The following CEP126 variants were observed in gnomAD, a reference collection of about 807,000 sequenced individuals.
The protein encoded by CEP126 is centrosomal protein of 126 kDa.
CEP126 carries 74 observed loss-of-function variants against 107.8 expected under a neutral mutation model. The observed-to-expected ratio is 0.69, with a 90% CI of 0.57 to 0.83. CEP126 has a LOEUF of 0.83. Among genes scored for constraint, CEP126 ranks in the 40% least tolerant of loss-of-function variants. The pLI, the probability that CEP126 is intolerant of heterozygous loss-of-function variation, is 0.00. For synonymous variants in CEP126, 449 were observed against 446.0 expected, an observed-to-expected ratio of 1.01 and a Z score of -0.08; for missense variants, 1,237 against 1,281.9, an observed-to-expected ratio of 0.96 and a Z score of 0.53.
At chr11:101,957,968 T>C (rs1015907463) in intron 4 of CEP126, among the ~76,000 whole-genome samples, 200 bp from the exon 5 acceptor site, 1 of 152,198 alleles carries the variant, frequency 6.6e-6, no homozygotes, top group Non-Finnish European at 1.5e-5. Context: ...TACTGGTACT[T>C]TAGTCTCACA....
At chr11:101,995,254 A>G (rs1941429799) in intron 10 of CEP126, among the ~76,000 whole-genome samples, 1 of 152,042 alleles carries the variant, frequency 6.6e-6, no homozygotes, top group Non-Finnish European at 1.5e-5. Context: ...TGGTAAATAC[A>G]TTTTCTAATG....
At position 101,962,870 on chromosome 11, in the gene CEP126, G is replaced by A. The variant is rs1228224008; in HGVS notation, c.1835G>A (p.Ser612Asn). 5.0e-6 allele frequency: 8 copies of A among 1,609,056 alleles called. No individual in the cohort carries two copies. In the Admixed American group the frequency reaches 6.8e-5, roughly 14 times the overall value. The change falls in exon 6 of 11, where the codon AGT becomes AAT. Residue 612 changes from serine (S) to asparagine (N), a missense_variant. Coordinates refer to ENST00000263468, the MANE Select transcript of CEP126 (RefSeq NM_020802.4). The part of the protein sequence containing the change: ...GNQKAAAIRD[S>N]IELTKEKGAE... Reference sequence around the variant, plus strand: ...CAAAAAGCAGCAGCTATCAGAGATAGTATTGAATTAACAAAGGAAAAAGGT... The same window carrying A: ...CAAAAAGCAGCAGCTATCAGAGATAATATTGAATTAACAAAGGAAAAAGGT...
intron 2 of CEP126, among the ~76,000 whole-genome samples, chr11:101,925,146 G>C (rs996576831): frequency 3.3e-5 from 5 of 152,120 alleles, no homozygotes; most frequent in Non-Finnish European, 1.5e-5. Flanking sequence ...GCTCTTAGGA[G>C]TTGGAGCCAT....
chr11:101,970,167 C>T (rs1216417367), intron 6 of CEP126, among the ~76,000 whole-genome samples: 2 of 152,094 alleles, frequency 1.3e-5, no homozygotes, highest in African/African-American at 4.8e-5. Flanking sequence ...ATATTACTGA[C>T]AAAGGGCTTA....
At chr11:101,983,796 T>C (rs1417519829) in intron 8 of CEP126, among the ~76,000 whole-genome samples, 1 of 152,346 alleles carries the variant, frequency 6.6e-6, no homozygotes, top group South Asian at 2.1e-4. Flanking sequence ...TGCTAGGATG[T>C]GCTAATGACT....
intron 4 of CEP126, chr11:101,956,239 C>G (rs1413379028): frequency 4.4e-6 from 2 of 456,444 alleles, no homozygotes; most frequent in Admixed American, 2.3e-5. Context: ...TAATGCCTAC[C>G]CTTGTTCGTC....
intron 4 of CEP126, chr11:101,956,950 A>ATCT: frequency 5.9e-6 from 2 of 336,482 alleles, no homozygotes; most frequent in Non-Finnish European, 5.8e-6. Context: ...AAAGGTAAAT[A>ATCT]AATTGAGTTT....
At chr11:101,957,745 G>T (rs909253405) in intron 4 of CEP126, among the ~76,000 whole-genome samples, 2 of 151,918 alleles carry the variant, frequency 1.3e-5, no homozygotes, top group Non-Finnish European at 2.9e-5. Context: ...ACACTATTAG[G>T]GTTACAGTTT....
chr11:101,967,025 C>CTTTTTT (rs759877416), intron 6 of CEP126, among the ~76,000 whole-genome samples: 89 of 107,010 alleles, frequency 8.3e-4, no homozygotes, highest in East Asian at 2.0e-3. Context: ...CTCTTTCTTT[C>CTTTTTT]TTTTTTTTTT....
chr11:101,993,562 A>G (rs1281437668), intron 10 of CEP126, among the ~76,000 whole-genome samples: 2 of 152,200 alleles, frequency 1.3e-5, no homozygotes, highest in East Asian at 3.9e-4. Context: ...CCTTCAGGGT[A>G]TATACCCGAT....
intron 6 of CEP126, among the ~76,000 whole-genome samples, chr11:101,969,933 G>A (rs1941105498): frequency 6.6e-6 from 1 of 152,142 alleles, no homozygotes; most frequent in Non-Finnish European, 1.5e-5. Context: ...ATTAATTCCA[G>A]ATGAACTGCA....
At chr11:101,986,367 G>T (rs764728379) in intron 8 of CEP126, among the ~76,000 whole-genome samples, 13 of 152,232 alleles carry the variant, frequency 8.5e-5, no homozygotes, top group Non-Finnish European at 1.8e-4. Context: ...TTGATCACAT[G>T]TTCTTATATC....
intron 2 of CEP126, 102 bp downstream of exon 2, chr11:101,922,862 G>A: frequency 1.1e-6 from 1 of 879,086 alleles, no homozygotes; most frequent in Non-Finnish European, 1.7e-6. Context: ...TCATGGCAGT[G>A]TTATCTGTGA....
intron 10 of CEP126, 57 bp from the exon 11 acceptor site, chr11:101,997,542 G>T: frequency 2.5e-6 from 4 of 1,612,970 alleles, no homozygotes; most frequent in Non-Finnish European, 3.4e-6. Context: ...AGCCTAGTTT[G>T]TAGCTGCAGT....
intron 7 of CEP126, among the ~76,000 whole-genome samples, chr11:101,981,650 A>G (rs532805143): frequency 5.9e-5 from 9 of 152,270 alleles, no homozygotes; most frequent in African/African-American, 1.9e-4. Flanking sequence ...ATCCAGGACA[A>G]TATCATAATC....
chr11:101,941,393 A>G (rs1474083752), intron 2 of CEP126, among the ~76,000 whole-genome samples: 1 of 152,110 alleles, frequency 6.6e-6, no homozygotes, highest in Admixed American at 6.5e-5. Context: ...AAATCATACA[A>G]CATTTGTCCT....
intron 1 of CEP126, among the ~76,000 whole-genome samples, chr11:101,917,792 C>T (rs1940250420): frequency 6.6e-6 from 1 of 152,010 alleles, no homozygotes; most frequent in Non-Finnish European, 1.5e-5. Context: ...CTATTTGTAC[C>T]CCAATCATTC....
chr11:101,978,572 AATT>A (rs1941220011), intron 7 of CEP126, 113 bp downstream of exon 7: 1 of 645,262 alleles, frequency 1.5e-6, no homozygotes. Flanking sequence ...ACATAAATAT[AATT>A]ATAGCCAAAG....
intron 6 of CEP126, among the ~76,000 whole-genome samples, chr11:101,976,679 C>T (rs1355389629): frequency 6.6e-6 from 1 of 152,218 alleles, no homozygotes; most frequent in African/African-American, 2.4e-5. Context: ...CATTACTTTA[C>T]ATCTTTGTAC....
Sources: allele counts gnomAD v4.1 joint callset (sites outside exome capture counted in the v4.1 genomes callset), GRCh38; gene constraint gnomAD v4.1.1; transcripts MANE v1.5; gene names NCBI Gene and HGNC (gene_info 2026-07-23, HGNC 2026-07-21).